Variants in OR2L13 observed in about 807,000 individuals in gnomAD.
The protein encoded by OR2L13 is olfactory receptor family 2 subfamily L member 13.
OR2L13 carries 14 observed loss-of-function variants against 15.3 expected under a neutral mutation model. The observed-to-expected ratio is 0.91, with a 90% CI of 0.60 to 1.43. OR2L13 has a LOEUF of 1.43. Among genes scored for constraint, OR2L13 ranks in the 40% most tolerant of loss-of-function variants. The probability of loss-of-function intolerance (pLI) is 0.00; values close to 1 mark genes in which losing one functional copy is unlikely to be tolerated. For synonymous variants in OR2L13, 152 were observed against 142.9 expected (o/e 1.06, Z -0.45); for missense variants, 367 against 387.9 (o/e 0.95, Z 0.45).
chr1:248,016,494 G>A, the OR2L13 span, among the ~76,000 whole-genome samples: 3 of 152,010 alleles, frequency 2.0e-5, no homozygotes, highest in Admixed American at 1.3e-4. Context: ...TTAAATGATT[G>A]AATTTTAGCC....
At chr1:247,952,684 G>A in the OR2L13 span, among the ~76,000 whole-genome samples, 3 of 152,188 alleles carry the variant, frequency 2.0e-5, no homozygotes, top group African/African-American at 7.2e-5. Context: ...AGCTTGAATA[G>A]TCTAAGAATG....
exon 3 of OR2L13, chr1:248,100,343 T>C: frequency 7.3e-7 from 1 of 1,366,318 alleles, no homozygotes; most frequent in Admixed American, 1.8e-5. Context: ...CCTTTGTATT[T>C]CCTCTTTCCA....
the OR2L13 span, chr1:248,039,565 T>G: frequency 6.0e-6 from 1 of 167,352 alleles, no homozygotes; most frequent in Non-Finnish European, 1.3e-5. Context: ...CGATTACAGG[T>G]GTGAGCCACC....
the OR2L13 span, among the ~76,000 whole-genome samples, chr1:248,070,950 C>T: frequency 2.0e-5 from 3 of 152,184 alleles, no homozygotes; most frequent in South Asian, 4.1e-4. Flanking sequence ...TCTGAATAGA[C>T]TGATAACAGG....
At chr1:248,073,201 C>T in the OR2L13 span, among the ~76,000 whole-genome samples, 9 of 151,998 alleles carry the variant, frequency 5.9e-5, no homozygotes, top group East Asian at 1.5e-3. Context: ...TCACTATTCA[C>T]AATAGCAAAG....
chr1:248,019,991 T>G, the OR2L13 span, among the ~76,000 whole-genome samples: 1 of 152,130 alleles, frequency 6.6e-6, no homozygotes, highest in African/African-American at 2.4e-5. Flanking sequence ...TTTTTCCATT[T>G]TGGTTGGTCT....
upstream of OR2L13, among the ~76,000 whole-genome samples, chr1:248,091,233 T>C (rs1664589909): frequency 1.3e-5 from 2 of 152,186 alleles, no homozygotes; most frequent in South Asian, 4.1e-4. Context: ...TTCTGTAGTT[T>C]GTCTGTTTAT....
the OR2L13 span, chr1:248,023,015 T>A: frequency 7.8e-4 from 698 of 898,500 alleles, 1 homozygote; most frequent in Non-Finnish European, 9.9e-4. Flanking sequence ...TGTCTTTTAA[T>A]TTAGTCTTGA....
At chr1:247,947,549 G>A in the OR2L13 span, among the ~76,000 whole-genome samples, 8 of 152,106 alleles carry the variant, frequency 5.3e-5, no homozygotes, top group Admixed American at 5.2e-4. Context: ...TTTTTATTTA[G>A]GCAATTGCAT....
chr1:248,015,238 G>C, the OR2L13 span, among the ~76,000 whole-genome samples: 1 of 152,162 alleles, frequency 6.6e-6, no homozygotes, highest in Non-Finnish European at 1.5e-5. Flanking sequence ...TCCTACGTCA[G>C]TTAAACACAA....
chr1:247,949,163 C>G, the OR2L13 span: 3 of 1,614,108 alleles, frequency 1.9e-6, no homozygotes, highest in African/African-American at 4.0e-5. Flanking sequence ...AGAGTTTCTT[C>G]TTCTTGGCAT....
At chr1:247,988,628 C>G in the OR2L13 span, among the ~76,000 whole-genome samples, 7 of 151,680 alleles carry the variant, frequency 4.6e-5, no homozygotes, top group Non-Finnish European at 1.0e-4. Flanking sequence ...TGTTACACTT[C>G]CTCAAAGGTC....
At chr1:248,016,991 G>A in the OR2L13 span, among the ~76,000 whole-genome samples, 15 of 152,296 alleles carry the variant, frequency 9.8e-5, no homozygotes, top group Admixed American at 2.6e-4. Flanking sequence ...TGTGGAGATA[G>A]TCAATAAAAG....
At chr1:248,026,591 C>T in the OR2L13 span, among the ~76,000 whole-genome samples, 8 of 152,100 alleles carry the variant, frequency 5.3e-5, no homozygotes, top group African/African-American at 1.4e-4. Flanking sequence ...ATTGGTGTTG[C>T]GGGAAGTCAG....
the OR2L13 span, chr1:248,003,977 A>G: frequency 3.0e-5 from 49 of 1,613,868 alleles, no homozygotes; most frequent in Middle Eastern, 3.3e-4. Flanking sequence ...CCTCACCCCA[A>G]TGCTCAACCC....
the OR2L13 span, among the ~76,000 whole-genome samples, chr1:248,058,067 A>T: frequency 6.6e-6 from 1 of 152,168 alleles, no homozygotes; most frequent in Non-Finnish European, 1.5e-5. Context: ...CAAAGCTGCC[A>T]GTCTTTCATT....
exon 3 of OR2L13, chr1:248,100,554 A>T (rs1179532263): frequency 8.9e-6 from 2 of 224,774 alleles, no homozygotes. Flanking sequence ...GCAATATATT[A>T]TAGTACATGT....
At chr1:248,039,273 A>G in the OR2L13 span, 4 of 1,428,922 alleles carry the variant, frequency 2.8e-6, no homozygotes, top group African/African-American at 5.7e-5. Context: ...AGCAGTGAAG[A>G]AAAACATTAT....
At chr1:248,018,953 T>C in the OR2L13 span, among the ~76,000 whole-genome samples, 1 of 152,232 alleles carries the variant, frequency 6.6e-6, no homozygotes, top group Admixed American at 6.5e-5. Context: ...AAAGTTCATC[T>C]ATGTTGTAGC....
Sources: allele counts gnomAD v4.1 joint callset (sites outside exome capture counted in the v4.1 genomes callset), GRCh38; gene constraint gnomAD v4.1.1; transcripts MANE v1.5; gene names NCBI Gene and HGNC (gene_info 2026-07-23, HGNC 2026-07-21).